The following MMP16 variants were observed in gnomAD, a reference collection of about 807,000 sequenced individuals.
MMP16 encodes the protein matrix metallopeptidase 16.
In MMP16, 12 loss-of-function variants were observed where a neutral mutation model predicts 67.8. That is an observed-to-expected ratio of 0.18 (90% confidence interval 0.11 to 0.29). The LOEUF is 0.29. Ranked by LOEUF, MMP16 falls within the 10% of genes least tolerant of loss-of-function variation. MMP16 has a pLI of 1.00. For synonymous variants in MMP16, 249 were observed against 255.9 expected, an observed-to-expected ratio of 0.97 and a Z score of 0.26; for missense variants, 475 against 765.7, an observed-to-expected ratio of 0.62 and a Z score of 4.48.
chr8:88,287,808 C>A (rs1810857621), intron 1 of MMP16, among the ~76,000 whole-genome samples: 1 of 152,170 alleles, frequency 6.6e-6, no homozygotes, highest in Non-Finnish European at 1.5e-5. Flanking sequence ...TCAGGCACTT[C>A]TTTGTGTTAT....
chr8:88,266,604 A>G (rs917529786), intron 1 of MMP16, among the ~76,000 whole-genome samples: 2 of 152,024 alleles, frequency 1.3e-5, no homozygotes, highest in Admixed American at 6.6e-5. Context: ...GTTCCCTCCT[A>G]CTTTGGTAAA....
At chr8:88,232,506 A>G (rs1478683737) in intron 1 of MMP16, among the ~76,000 whole-genome samples, 1 of 152,204 alleles carries the variant, frequency 6.6e-6, no homozygotes, top group Non-Finnish European at 1.5e-5. Flanking sequence ...AGCCACATAA[A>G]GAACAGGATT....
intron 8 of MMP16, among the ~76,000 whole-genome samples, chr8:88,051,909 T>A (rs1808276129): frequency 6.6e-6 from 1 of 152,156 alleles, no homozygotes; most frequent in Non-Finnish European, 1.5e-5. Context: ...TACCAAATTG[T>A]AGTGTATTAA....
At chr8:88,100,373 A>G (rs112937370) in intron 6 of MMP16, among the ~76,000 whole-genome samples, 27,937 of 151,984 alleles carry the variant, frequency 0.18, 3,002 homozygotes, top group Middle Eastern at 0.26. Flanking sequence ...GACACATGAA[A>G]AAATGCTCAT....
chr8:88,261,178 T>C (rs534967902), intron 1 of MMP16, among the ~76,000 whole-genome samples: 1 of 152,226 alleles, frequency 6.6e-6, no homozygotes, highest in South Asian at 2.1e-4. Context: ...TTCCCTCTGG[T>C]CTCAAGAACA....
intron 6 of MMP16, among the ~76,000 whole-genome samples, chr8:88,101,844 T>A (rs1809150388): frequency 6.6e-6 from 1 of 151,866 alleles, no homozygotes; most frequent in African/African-American, 2.4e-5. Flanking sequence ...GTATTTCTCA[T>A]CCAGTTCCAG....
chr8:88,060,809 G>T (rs994343105), intron 7 of MMP16, among the ~76,000 whole-genome samples: 34 of 151,938 alleles, frequency 2.2e-4, no homozygotes, highest in Non-Finnish European at 3.1e-4. Context: ...TTGGAAAGTA[G>T]GTGCTTAATA....
At position 88,259,959 on chromosome 8, in the gene MMP16, A is replaced by G. The variant is rs531456192; in HGVS notation, c.133-62653T>C. Among the ~76,000 whole-genome samples the G allele has an allele frequency of 2.6e-5, 4 of 152,308 alleles. No homozygotes were observed. The South Asian group carries it at 8.3e-4, about 32-fold the overall frequency. On this transcript the variant is annotated intron_variant, in intron 1 of 9. Transcript: ENST00000286614. Reference sequence around the variant, plus strand: ...ATAGGTAGCTTAATTGTTGCTTCCTAAACCCCCCAAATTTTACTTATTTGT... The same window carrying G: ...ATAGGTAGCTTAATTGTTGCTTCCTGAACCCCCCAAATTTTACTTATTTGT...
chr8:88,123,085 T>C (rs1012692593), intron 4 of MMP16, among the ~76,000 whole-genome samples: 1 of 151,888 alleles, frequency 6.6e-6, no homozygotes, highest in African/African-American at 2.4e-5. Flanking sequence ...AGATAATAAA[T>C]TGTTGTTTTA....
chr8:88,282,036 T>C (rs771097843), intron 1 of MMP16, among the ~76,000 whole-genome samples: 10 of 146,750 alleles, frequency 6.8e-5, no homozygotes, highest in Non-Finnish European at 1.3e-4. Flanking sequence ...GACTTCAGTA[T>C]GAAGTTAAAA....
intron 1 of MMP16, among the ~76,000 whole-genome samples, chr8:88,202,364 A>T (rs1227303936): frequency 6.6e-6 from 1 of 152,180 alleles, no homozygotes; most frequent in African/African-American, 2.4e-5. Flanking sequence ...GAAGCCAATT[A>T]CTTATGGTGT....
intron 1 of MMP16, among the ~76,000 whole-genome samples, chr8:88,246,002 A>G (rs1372434593): frequency 6.6e-6 from 1 of 152,196 alleles, no homozygotes. Flanking sequence ...AAAGCAAGCA[A>G]GAAATTCTCT....
intron 7 of MMP16, among the ~76,000 whole-genome samples, chr8:88,072,689 G>A (rs1165343408): frequency 6.6e-6 from 1 of 152,126 alleles, no homozygotes; most frequent in Non-Finnish European, 1.5e-5. Context: ...TAATTGAAAT[G>A]TTTATTGAGC....
chr8:88,187,743 A>C (rs1254471492), intron 2 of MMP16, among the ~76,000 whole-genome samples: 3 of 152,180 alleles, frequency 2.0e-5, no homozygotes, highest in Non-Finnish European at 1.5e-5. Flanking sequence ...AATAACTTTT[A>C]CTTCTTAAGA....
intron 2 of MMP16, among the ~76,000 whole-genome samples, chr8:88,188,717 C>T (rs929055000): frequency 2.0e-5 from 3 of 151,154 alleles, no homozygotes; most frequent in Non-Finnish European, 4.4e-5. Flanking sequence ...TGCAATGGCA[C>T]GATCTCGGCT....
intron 3 of MMP16, among the ~76,000 whole-genome samples, chr8:88,173,092 C>T (rs1304279704): frequency 6.6e-6 from 1 of 152,108 alleles, no homozygotes; most frequent in Non-Finnish European, 1.5e-5. Context: ...TTCTATCACC[C>T]AGGCTGGAGT....
chr8:88,080,102 T>G (rs932094027), intron 6 of MMP16, among the ~76,000 whole-genome samples: 14 of 152,182 alleles, frequency 9.2e-5, no homozygotes, highest in Non-Finnish European at 8.8e-5. Flanking sequence ...CCTACTCCAC[T>G]GTATGATATG....
intron 6 of MMP16, among the ~76,000 whole-genome samples, chr8:88,090,135 T>C (rs1365682423): frequency 6.6e-6 from 1 of 151,984 alleles, no homozygotes; most frequent in Non-Finnish European, 1.5e-5. Flanking sequence ...GGGAGAAATA[T>C]ATTCCAATTT....
At chr8:88,297,474 C>T (rs547595752) in intron 1 of MMP16, among the ~76,000 whole-genome samples, 12 of 152,182 alleles carry the variant, frequency 7.9e-5, no homozygotes, top group African/African-American at 2.4e-4. Context: ...GCGTATGGCC[C>T]GCTCCAAAAA....
Sources: allele counts gnomAD v4.1 joint callset (sites outside exome capture counted in the v4.1 genomes callset), GRCh38; gene constraint gnomAD v4.1.1; transcripts MANE v1.5; gene names NCBI Gene and HGNC (gene_info 2026-07-23, HGNC 2026-07-21).